The following PRH1 variants were observed in gnomAD, a reference collection of about 807,000 sequenced individuals.
The protein encoded by PRH1 is proline rich protein HaeIII subfamily 1.
In PRH1, 7 loss-of-function variants were observed where a neutral mutation model predicts 7.9. The ratio of observed to expected loss-of-function variants is 0.89; its 90% CI spans 0.50 to 1.67. The LOEUF is 1.67. PRH1 is among the 40% of genes most tolerant of loss of function. The pLI, the probability that PRH1 is intolerant of heterozygous loss-of-function variation, is 0.00. For synonymous variants in PRH1, 45 were observed against 80.8 expected (o/e 0.56, Z 2.38); for missense variants, 109 against 223.6 (o/e 0.49, Z 3.27).
intron 1 of PRH1, chr12:10,997,700 A>G (rs775659847): frequency 1.2e-6 from 2 of 1,613,876 alleles, no homozygotes; most frequent in South Asian, 2.2e-5. Context: ...TATTACCCAG[A>G]GCAAACCAAC....
intron 1 of PRH1, among the ~76,000 whole-genome samples, chr12:11,145,309 C>T (rs773874334): frequency 6.6e-6 from 1 of 152,176 alleles, no homozygotes; most frequent in Non-Finnish European, 1.5e-5. Flanking sequence ...CTCCCTGCCT[C>T]AGCCTCCTGA....
chr12:11,081,851 C>A (rs1476841512), intron 1 of PRH1, among the ~76,000 whole-genome samples: 1,301 of 80,200 alleles, frequency 0.016, 30 homozygotes, highest in Non-Finnish European at 0.021. Context: ...TTAGCCCTAA[C>A]ATCCTTACTT....
At chr12:11,149,651 C>T (rs1268240882) in intron 1 of PRH1, among the ~76,000 whole-genome samples, 1 of 142,958 alleles carries the variant, frequency 7.0e-6, no homozygotes, top group Admixed American at 7.1e-5. Context: ...TTCCTTACAC[C>T]TTATACAAAA....
chr12:11,105,703 A>C (rs2136292872), intron 1 of PRH1, among the ~76,000 whole-genome samples: 1 of 152,308 alleles, frequency 6.6e-6, no homozygotes, highest in Middle Eastern at 3.4e-3. Flanking sequence ...TTCAGTTGTT[A>C]GAGAAATTTT....
At chr12:11,045,336 A>T (rs549703823) in intron 1 of PRH1, among the ~76,000 whole-genome samples, 6 of 151,352 alleles carry the variant, frequency 4.0e-5, no homozygotes, top group Admixed American at 3.3e-4. Flanking sequence ...AAAAAAATAG[A>T]AAGAATTAAT....
intron 1 of PRH1, among the ~76,000 whole-genome samples, chr12:11,075,877 C>A (rs79042686): frequency 1.0e-5 from 1 of 97,148 alleles, no homozygotes; most frequent in Admixed American, 1.1e-4. Flanking sequence ...ATTTATCCAA[C>A]CACTAATGTG....
chr12:10,902,910 C>T lies in PRH1; in HGVS notation c.-58-18635G>A, dbSNP rs115072431. On this transcript the variant is annotated intron_variant, in intron 2 of 3. Coordinates refer to the PRH1 transcript ENST00000539853. Reference sequence around the variant, plus strand: ...AAAATCTGCTACCAAAATAGCACACCTAAGCACATAGCCCAAGACCCTATA... The same window carrying T: ...AAAATCTGCTACCAAAATAGCACACTTAAGCACATAGCCCAAGACCCTATA... Among the ~76,000 whole-genome samples the T allele has an allele frequency of 4.8e-3, 723 of 152,196 alleles. 7 individuals are homozygous for T. Among genetic ancestry groups the T allele is most frequent in the African/African-American group, 0.017 (694 of 41,544 alleles).
intron 1 of PRH1, among the ~76,000 whole-genome samples, chr12:11,110,904 A>C (rs1417426432): frequency 6.6e-6 from 1 of 152,196 alleles, no homozygotes; most frequent in African/African-American, 2.4e-5. Flanking sequence ...TATTCAGGAA[A>C]CCCATCTCAT....
At chr12:11,135,892 A>G (rs1412520742) in intron 1 of PRH1, among the ~76,000 whole-genome samples, 2 of 152,180 alleles carry the variant, frequency 1.3e-5, no homozygotes, top group Non-Finnish European at 2.9e-5. Context: ...GACGAGTAAT[A>G]ATAATTTCTA....
At chr12:11,099,459 G>A (rs1156648885) in intron 1 of PRH1, among the ~76,000 whole-genome samples, 11 of 152,124 alleles carry the variant, frequency 7.2e-5, no homozygotes, top group Non-Finnish European at 1.0e-4. Flanking sequence ...AGGTGTGGAG[G>A]AGGCTGAGGA....
intron 2 of PRH1, among the ~76,000 whole-genome samples, chr12:10,905,387 C>T (rs1184044306): frequency 6.6e-6 from 1 of 152,122 alleles, no homozygotes; most frequent in African/African-American, 2.4e-5. Context: ...GGATTACAGG[C>T]CAGGCACAGT....
intron 1 of PRH1, among the ~76,000 whole-genome samples, chr12:11,114,394 C>T (rs1945674196): frequency 6.6e-6 from 1 of 152,072 alleles, no homozygotes; most frequent in Non-Finnish European, 1.5e-5. Context: ...TCTCAGCAAA[C>T]TAACACAGGA....
chr12:10,882,986 G>A (rs1243141737), intron 2 of PRH1, 75 bp downstream of exon 2: 1 of 1,550,166 alleles, frequency 6.5e-7, no homozygotes, highest in East Asian at 2.2e-5. Context: ...ATGGTGATAA[G>A]AAGACACTGG....
chr12:11,140,223 A>T lies in PRH1; in HGVS notation n.40-19043T>A, dbSNP rs1199026786. On this transcript the variant is annotated intron_variant and non_coding_transcript_variant, in intron 1 of 1. Transcript: ENST00000541175. ...AGGACTTTGAAAAAATATAATTGTT[A>T]ACAGCACTGTAAGGGAAATTTCAGG... Among the ~76,000 whole-genome samples the T allele has an allele frequency of 2.0e-5, 3 of 152,098 alleles. No individual in the cohort carries two copies. In the East Asian group the frequency reaches 5.8e-4, roughly 29 times the overall value.
intron 1 of PRH1, among the ~76,000 whole-genome samples, chr12:11,075,075 C>G (rs1944238701): frequency 1.5e-5 from 2 of 137,784 alleles, no homozygotes; most frequent in Admixed American, 7.4e-5. Flanking sequence ...TAAATGTCAT[C>G]ACTGTAAACT....
intron 2 of PRH1, among the ~76,000 whole-genome samples, chr12:10,922,387 T>A (rs1382586575): frequency 1.3e-5 from 2 of 152,244 alleles, no homozygotes; most frequent in African/African-American, 4.8e-5. Flanking sequence ...TCTAAACATT[T>A]ATCTTTTATG....
chr12:11,126,613 T>C (rs753364083), intron 1 of PRH1, among the ~76,000 whole-genome samples: 1 of 152,158 alleles, frequency 6.6e-6, no homozygotes, highest in Non-Finnish European at 1.5e-5. Flanking sequence ...AAGAGTGCAA[T>C]AGTGGGTCTT....
intron 1 of PRH1, among the ~76,000 whole-genome samples, chr12:11,122,586 A>T (rs187970816): frequency 6.6e-6 from 1 of 152,410 alleles, no homozygotes; most frequent in Admixed American, 6.5e-5. Context: ...AATTAAACCT[A>T]AAAGAAAAAC....
chr12:11,123,674 T>C (rs1349985955), intron 1 of PRH1, among the ~76,000 whole-genome samples: 2 of 152,162 alleles, frequency 1.3e-5, no homozygotes, highest in Non-Finnish European at 1.5e-5. Flanking sequence ...ATGTTACATA[T>C]TCCAACTGTA....
Sources: allele counts gnomAD v4.1 joint callset (sites outside exome capture counted in the v4.1 genomes callset), GRCh38; gene constraint gnomAD v4.1.1; transcripts MANE v1.5; gene names NCBI Gene and HGNC (gene_info 2026-07-23, HGNC 2026-07-21).